The following CD2AP variants were observed in gnomAD, a reference collection of about 807,000 sequenced individuals.
CD2AP encodes CD2-associated protein.
In CD2AP, 46 loss-of-function variants were observed where a neutral mutation model predicts 85.1. The observed-to-expected ratio is 0.54, with a 90% CI of 0.43 to 0.69. CD2AP has a LOEUF of 0.69. CD2AP is among the 30% of genes least tolerant of loss of function. CD2AP has a pLI of 0.00. For synonymous variants in CD2AP, 255 were observed against 252.9 expected, an observed-to-expected ratio of 1.01 and a Z score of -0.08; for missense variants, 769 against 729.5, an observed-to-expected ratio of 1.05 and a Z score of -0.62.
chr6:47,554,793 T>G (rs763594204), intron 5 of CD2AP, 27 bp downstream of exon 5: 2 of 1,565,248 alleles, frequency 1.3e-6, no homozygotes, highest in Non-Finnish European at 1.7e-6. Flanking sequence ...AATTTTTAAT[T>G]GATTTAAATA....
rs1582611379 is a variant in CD2AP at position 47,600,871 on chromosome 6, A to G, written c.1417+1428A>G. On this transcript the variant is annotated intron_variant, in intron 13 of 17. Coordinates refer to ENST00000359314, the MANE Select transcript of CD2AP (RefSeq NM_012120.3). ...GCCCAATTTTAACTCTGGAAACAAA[A>G]AAGTTATTGCAACTATATTTTAAAT... Among the ~76,000 whole-genome samples, 3 of 152,020 alleles carry G rather than the reference A, an allele frequency of 2.0e-5. No homozygotes were observed. In the East Asian group the frequency reaches 5.8e-4, roughly 29 times the overall value.
chr6:47,483,499 C>T (rs1439881849), intron 1 of CD2AP, among the ~76,000 whole-genome samples: 1 of 152,024 alleles, frequency 6.6e-6, no homozygotes, highest in Non-Finnish European at 1.5e-5. Context: ...GTCCAGATTT[C>T]TTATTGGAGA....
In CD2AP at chr6:47,488,651, C is replaced by G. The variant is rs192373863; in HGVS notation, c.4+10403C>G. ...AATATTTTTTGATTATAAGAATTTA[C>G]TGAGGCAGGAGGATTGCTTGAGACT... On this transcript the variant is annotated intron_variant, in intron 1 of 17. Coordinates refer to ENST00000359314, the MANE Select transcript of CD2AP (RefSeq NM_012120.3). Among the ~76,000 whole-genome samples, 23 of 150,688 alleles carry G rather than the reference C, an allele frequency of 1.5e-4. No homozygotes were observed. The East Asian group carries it at 4.5e-3, about 29-fold the overall frequency.
At chr6:47,567,475 C>G (rs1768034929) in intron 5 of CD2AP, among the ~76,000 whole-genome samples, 1 of 152,018 alleles carries the variant, frequency 6.6e-6, no homozygotes, top group Admixed American at 6.6e-5. Context: ...ATGATTTACC[C>G]CCCTTGTTTG....
chr6:47,536,132 T>G (rs985624617), intron 3 of CD2AP, among the ~76,000 whole-genome samples: 1 of 152,188 alleles, frequency 6.6e-6, no homozygotes, highest in African/African-American at 2.4e-5. Flanking sequence ...ATATTGGTTA[T>G]TTAGTGTCAG....
At chr6:47,600,495 G>A (rs916518100) in intron 13 of CD2AP, among the ~76,000 whole-genome samples, 4 of 151,842 alleles carry the variant, frequency 2.6e-5, no homozygotes, top group African/African-American at 7.2e-5. Context: ...GACTTAAAGT[G>A]TGGCCTCCTT....
At chr6:47,556,337 G>C (rs1365230499) in intron 5 of CD2AP, among the ~76,000 whole-genome samples, 1 of 151,134 alleles carries the variant, frequency 6.6e-6, no homozygotes, top group East Asian at 1.9e-4. Flanking sequence ...CTGTTCATGA[G>C]AATGATGGTT....
At chr6:47,623,850 A>C (rs370585821) in intron 17 of CD2AP, among the ~76,000 whole-genome samples, 1 of 152,136 alleles carries the variant, frequency 6.6e-6, no homozygotes, top group Admixed American at 6.5e-5. Context: ...TTATAGATAC[A>C]TGTACATTTC....
intron 2 of CD2AP, among the ~76,000 whole-genome samples, chr6:47,516,480 A>G (rs2114000821): frequency 6.6e-6 from 1 of 152,370 alleles, no homozygotes; most frequent in African/African-American, 2.4e-5. Flanking sequence ...GCAAAAGAAC[A>G]GTAGAACTAG....
intron 1 of CD2AP, among the ~76,000 whole-genome samples, chr6:47,492,466 C>T (rs1362297340): frequency 2.0e-5 from 3 of 151,666 alleles, no homozygotes; most frequent in Non-Finnish European, 4.4e-5. Context: ...GATCCTCCCC[C>T]GTTAGGCTCC....
chr6:47,478,172 C>T lies in CD2AP; in HGVS notation c.-73C>T, dbSNP rs1561995360. 13 of 1,542,280 alleles carry T rather than the reference C, an allele frequency of 8.4e-6. No individual in the cohort carries two copies. In the South Asian group the frequency reaches 1.5e-4, roughly 18 times the overall value. On this transcript the variant is annotated 5_prime_UTR_variant, in exon 1 of 18. Transcript: ENST00000359314. ...CGGGTCCCGCCTCCAGCCGCGGGAG[C>T]GGCCGCGCGAGCCACCACTGGAGGA...
chr6:47,560,774 G>A (rs1282489926), intron 5 of CD2AP, among the ~76,000 whole-genome samples: 1 of 152,110 alleles, frequency 6.6e-6, no homozygotes, highest in Non-Finnish European at 1.5e-5. Context: ...CTTACAATAA[G>A]TGTTTCATGG....
chr6:47,617,555 G>C (rs894591230), intron 17 of CD2AP, among the ~76,000 whole-genome samples: 1 of 151,998 alleles, frequency 6.6e-6, no homozygotes, highest in Non-Finnish European at 1.5e-5. Flanking sequence ...GATAATTTCT[G>C]TTGCCCATAT....
intron 14 of CD2AP, among the ~76,000 whole-genome samples, chr6:47,606,603 G>A (rs1210328539): frequency 1.3e-5 from 2 of 151,854 alleles, no homozygotes; most frequent in Non-Finnish European, 2.9e-5. Flanking sequence ...ACTCACTTTA[G>A]GAAAGATTGA....
chr6:47,612,343 T>G (rs1320119600), intron 16 of CD2AP, 130 bp from the exon 17 acceptor site: 1 of 650,728 alleles, frequency 1.5e-6, no homozygotes, highest in Non-Finnish European at 2.8e-6. Context: ...TTTTTCTTAA[T>G]TAACATTGCT....
chr6:47,576,409 A>G, intron 6 of CD2AP, 115 bp from the exon 7 acceptor site: 2 of 767,972 alleles, frequency 2.6e-6, no homozygotes, highest in Non-Finnish European at 2.3e-6. Context: ...TCACATTACT[A>G]TCCTAGCTAT....
At chr6:47,505,658 T>C (rs1766132077) in intron 2 of CD2AP, among the ~76,000 whole-genome samples, 1 of 96,072 alleles carries the variant, frequency 1.0e-5, no homozygotes, top group Non-Finnish European at 2.4e-5. Flanking sequence ...ACGGGGCGGC[T>C]GGCCGGGTGG....
intron 17 of CD2AP, among the ~76,000 whole-genome samples, chr6:47,620,219 T>C (rs1216078065): frequency 1.3e-5 from 2 of 152,242 alleles, no homozygotes; most frequent in Non-Finnish European, 2.9e-5. Flanking sequence ...CCTTAATCCA[T>C]CTTGAGTTGA....
intron 5 of CD2AP, among the ~76,000 whole-genome samples, chr6:47,568,394 A>G (rs1448241947): frequency 6.6e-6 from 1 of 152,130 alleles, no homozygotes; most frequent in African/African-American, 2.4e-5. Flanking sequence ...ATCCTTAGAA[A>G]AATTCGGATG....
Sources: allele counts gnomAD v4.1 joint callset (sites outside exome capture counted in the v4.1 genomes callset), GRCh38; gene constraint gnomAD v4.1.1; transcripts MANE v1.5; gene names NCBI Gene and HGNC (gene_info 2026-07-23, HGNC 2026-07-21).